Variants in KCNT2 observed in about 807,000 individuals in gnomAD.
KCNT2 encodes potassium sodium-activated channel subfamily T member 2.
A neutral mutation model predicts 153.8 loss-of-function variants in KCNT2; 67 were observed. The ratio of observed to expected loss-of-function variants is 0.44; its 90% CI spans 0.36 to 0.53. The LOEUF is 0.53. Among genes scored for constraint, KCNT2 ranks in the 20% least tolerant of loss-of-function variants. KCNT2 has a pLI of 0.00. For synonymous variants in KCNT2, 500 were observed against 458.8 expected (o/e 1.09, Z -1.15); for missense variants, 975 against 1,354.8 (o/e 0.72, Z 4.40).
intron 1 of KCNT2, among the ~76,000 whole-genome samples, chr1:196,559,440 C>G (rs1027772393): frequency 1.3e-5 from 2 of 151,634 alleles, no homozygotes; most frequent in Non-Finnish European, 3.0e-5. Flanking sequence ...TATAAATGAA[C>G]TATGAATGTC....
chr1:196,244,435 T>A (rs1655240562), intron 26 of KCNT2, among the ~76,000 whole-genome samples: 1 of 152,062 alleles, frequency 6.6e-6, no homozygotes, highest in South Asian at 2.1e-4. Context: ...TGGTCAGCAT[T>A]TCTGGACCTT....
At chr1:196,282,614 G>A (rs1659220895) in intron 23 of KCNT2, among the ~76,000 whole-genome samples, 1 of 152,054 alleles carries the variant, frequency 6.6e-6, no homozygotes, top group Non-Finnish European at 1.5e-5. Flanking sequence ...CATTTTATGT[G>A]TGTTATTAGG....
intron 8 of KCNT2, among the ~76,000 whole-genome samples, chr1:196,435,769 G>C (rs1674602046): frequency 6.6e-6 from 1 of 151,660 alleles, no homozygotes; most frequent in Non-Finnish European, 1.5e-5. Flanking sequence ...CTCAATATTA[G>C]AGACAGAATT....
At chr1:196,542,875 A>G (rs974316311) in intron 1 of KCNT2, among the ~76,000 whole-genome samples, 2 of 152,124 alleles carry the variant, frequency 1.3e-5, no homozygotes, top group African/African-American at 4.8e-5. Context: ...ATAAGAGTGA[A>G]GGAAATATAA....
In KCNT2 at chr1:196,351,561, C is replaced by T. The variant is rs569690764; in HGVS notation, c.1404-9333G>A. ...ATTTTTGTACATTGATTTTGTATCCCGAGACTTTGCTGAAGTTGCTTATCA... is the reference window on the plus strand; with the variant it reads ...ATTTTTGTACATTGATTTTGTATCCTGAGACTTTGCTGAAGTTGCTTATCA... On this transcript the variant is annotated intron_variant, in intron 14 of 27. Transcript: ENST00000294725. Among the ~76,000 whole-genome samples, 876 of 151,674 alleles carry T rather than the reference C, an allele frequency of 5.8e-3. 5 individuals are homozygous for T. The highest frequency in any genetic ancestry group is 0.019 in the African/African-American group (787 of 41,366).
chr1:196,598,871 T>C (rs1664393576), intron 1 of KCNT2, among the ~76,000 whole-genome samples: 1 of 152,354 alleles, frequency 6.6e-6, no homozygotes, highest in South Asian at 2.1e-4. Context: ...GCTAAGTAGT[T>C]GGTAAATGTT....
chr1:196,369,768 T>A (rs573686614), intron 14 of KCNT2, among the ~76,000 whole-genome samples: 53 of 152,214 alleles, frequency 3.5e-4, no homozygotes, highest in African/African-American at 1.3e-3. Flanking sequence ...CTATTGTGAA[T>A]AATGCCGCAA....
intron 8 of KCNT2, among the ~76,000 whole-genome samples, chr1:196,454,734 A>T (rs1676508693): frequency 6.6e-6 from 1 of 152,016 alleles, no homozygotes; most frequent in African/African-American, 2.4e-5. Context: ...GGAAAAAAAA[A>T]TTACCACAAA....
chr1:196,555,486 T>C (rs1174597114), intron 1 of KCNT2, among the ~76,000 whole-genome samples: 1 of 151,142 alleles, frequency 6.6e-6, no homozygotes, highest in African/African-American at 2.4e-5. Flanking sequence ...AAAATACTAA[T>C]GTAAGAAATT....
intron 1 of KCNT2, among the ~76,000 whole-genome samples, chr1:196,598,123 T>C (rs1374233295): frequency 1.3e-5 from 2 of 152,164 alleles, no homozygotes; most frequent in Non-Finnish European, 2.9e-5. Context: ...TGGATGACCC[T>C]GTCCAAAGCA....
intron 18 of KCNT2, among the ~76,000 whole-genome samples, chr1:196,327,313 GA>G (rs954149841): frequency 3.0e-4 from 43 of 143,552 alleles, no homozygotes; most frequent in African/African-American, 9.2e-4. Context: ...ATAAAACAGT[GA>G]AAAAAAAAAC....
intron 22 of KCNT2, among the ~76,000 whole-genome samples, chr1:196,297,410 T>G (rs1242417328): frequency 3.6e-4 from 55 of 152,286 alleles, no homozygotes. Context: ...GTGGCACTCT[T>G]CCATGGGGAG....
At chr1:196,486,795 A>G (rs1328102115) in intron 3 of KCNT2, among the ~76,000 whole-genome samples, 1 of 151,900 alleles carries the variant, frequency 6.6e-6, no homozygotes, top group Non-Finnish European at 1.5e-5. Flanking sequence ...CCCCCTGACC[A>G]TAATATACAC....
intron 13 of KCNT2, among the ~76,000 whole-genome samples, chr1:196,395,212 T>G (rs1359137616): frequency 6.6e-6 from 1 of 151,546 alleles, no homozygotes; most frequent in Admixed American, 6.6e-5. Flanking sequence ...TAAGTTAGAC[T>G]CTAAATGTTA....
intron 13 of KCNT2, among the ~76,000 whole-genome samples, chr1:196,388,254 T>C (rs1419855987): frequency 1.3e-5 from 2 of 151,762 alleles, no homozygotes; most frequent in Non-Finnish European, 3.0e-5. Flanking sequence ...TTCTGTTCCA[T>C]TGATCTATTT....
intron 8 of KCNT2, among the ~76,000 whole-genome samples, chr1:196,430,159 A>G (rs1370376110): frequency 6.6e-6 from 1 of 151,222 alleles, no homozygotes; most frequent in Non-Finnish European, 1.5e-5. Flanking sequence ...TTTTTTTATA[A>G]TTTAGGAAGA....
intron 14 of KCNT2, among the ~76,000 whole-genome samples, chr1:196,362,275 A>G (rs1298171974): frequency 2.0e-5 from 3 of 152,028 alleles, no homozygotes; most frequent in African/African-American, 7.2e-5. Context: ...TCTTCCTGTC[A>G]TTACCTCCTT....
At chr1:196,358,804 T>C (rs899129638) in intron 14 of KCNT2, among the ~76,000 whole-genome samples, 1 of 151,956 alleles carries the variant, frequency 6.6e-6, no homozygotes, top group African/African-American at 2.4e-5. Flanking sequence ...CTGGATATAT[T>C]TCTCTCATCT....
chr1:196,565,295 T>G (rs1163876810), intron 1 of KCNT2, among the ~76,000 whole-genome samples: 1 of 151,574 alleles, frequency 6.6e-6, no homozygotes, highest in Non-Finnish European at 1.5e-5. Flanking sequence ...AAAAGATAAG[T>G]GTTGGCTAGA....
Sources: allele counts gnomAD v4.1 joint callset (sites outside exome capture counted in the v4.1 genomes callset), GRCh38; gene constraint gnomAD v4.1.1; transcripts MANE v1.5; gene names NCBI Gene and HGNC (gene_info 2026-07-23, HGNC 2026-07-21).